The following PMEPA1 variants were observed in gnomAD, a reference collection of about 807,000 sequenced individuals.
PMEPA1 encodes the protein protein TMEPAI.
A neutral mutation model predicts 23.0 loss-of-function variants in PMEPA1; 11 were observed. The ratio of observed to expected loss-of-function variants is 0.48; its 90% CI spans 0.30 to 0.79. The LOEUF is 0.79. Ranked by LOEUF, PMEPA1 falls within the 30% of genes least tolerant of loss-of-function variation. The pLI, the probability that PMEPA1 is intolerant of heterozygous loss-of-function variation, is 0.06. For synonymous variants in PMEPA1, 204 were observed against 166.4 expected (o/e 1.23, Z -1.74); for missense variants, 377 against 390.9 (o/e 0.96, Z 0.30).
chr20:57,661,286 G>C (rs2071415271), intron 1 of PMEPA1, among the ~76,000 whole-genome samples: 1 of 152,244 alleles, frequency 6.6e-6, no homozygotes, highest in Non-Finnish European at 1.5e-5. Flanking sequence ...GGCCTCGGCA[G>C]CTGGCCGAGC....
rs983790423 is a variant in PMEPA1 at position 57,655,683 on chromosome 20, G to A, written c.265-2597C>T. Among the ~76,000 whole-genome samples the A allele has an allele frequency of 9.9e-5, 15 of 152,160 alleles. No individual in the cohort carries two copies. The highest frequency in any genetic ancestry group is 3.6e-4 in the African/African-American group (15 of 41,426). On this transcript the variant is annotated intron_variant, in intron 2 of 3. Transcript: ENST00000341744. The surrounding 1 kb of genome is among the most constrained non-coding windows in gnomAD (Gnocchi z 4.2). ...TACAGCCACTGCTGACGAGCCCCCT[G>A]CTCCCAGCAGCCTCCAACCACTCCC...
At chr20:57,703,955 G>A (rs1259832287) in intron 1 of PMEPA1, among the ~76,000 whole-genome samples, 1 of 152,124 alleles carries the variant, frequency 6.6e-6, no homozygotes, top group Admixed American at 6.5e-5. Flanking sequence ...TGACAGTGAA[G>A]GGGGGCACAA....
chr20:57,686,708 T>G (rs1483330229), intron 1 of PMEPA1, among the ~76,000 whole-genome samples: 1 of 152,222 alleles, frequency 6.6e-6, no homozygotes, highest in African/African-American at 2.4e-5. Flanking sequence ...CTCAAGGCCC[T>G]CACCTGTGAG....
intron 1 of PMEPA1, among the ~76,000 whole-genome samples, chr20:57,701,163 C>T (rs1242253210): frequency 6.6e-6 from 1 of 151,972 alleles, no homozygotes; most frequent in Non-Finnish European, 1.5e-5. Context: ...TTTCTTCCTA[C>T]CCCCATTCCC....
At position 57,682,796 on chromosome 20, in the gene PMEPA1, G is replaced by C. The variant is rs972448905; in HGVS notation, c.110-23099C>G. ...TCTGCTAGATGCTGCCTGGGAGCTGGGCTTTCTGCATGAGCAGGCCCCGCT... is the reference window on the plus strand; with the variant it reads ...TCTGCTAGATGCTGCCTGGGAGCTGCGCTTTCTGCATGAGCAGGCCCCGCT... On this transcript the variant is annotated intron_variant, in intron 1 of 3. Coordinates refer to ENST00000341744, the MANE Select transcript of PMEPA1 (RefSeq NM_020182.5). The surrounding 1 kb of genome is among the most constrained non-coding windows in gnomAD (Gnocchi z 4.4). 8.5e-5 allele frequency among the ~76,000 whole-genome samples: 13 copies of C among 152,232 alleles called. No homozygotes were observed. The highest frequency in any genetic ancestry group is 3.1e-4 in the African/African-American group (13 of 41,458).
intron 1 of PMEPA1, among the ~76,000 whole-genome samples, chr20:57,679,253 G>C (rs1262035156): frequency 2.0e-5 from 3 of 152,202 alleles, no homozygotes; most frequent in Non-Finnish European, 4.4e-5. Flanking sequence ...AATGCCCTGA[G>C]GTAGGAAACC....
intron 1 of PMEPA1, among the ~76,000 whole-genome samples, chr20:57,679,118 A>G (rs998790730): frequency 1.3e-5 from 2 of 152,160 alleles, no homozygotes; most frequent in African/African-American, 2.4e-5. Context: ...AGCACCTAGG[A>G]GCGGGGACCT....
intron 1 of PMEPA1, among the ~76,000 whole-genome samples, chr20:57,680,647 G>A (rs1406300370): frequency 6.6e-6 from 1 of 152,228 alleles, no homozygotes; most frequent in Non-Finnish European, 1.5e-5. Flanking sequence ...TCAATGTGAA[G>A]ACAGAAGCAG....
At chr20:57,710,577 CG>C, upstream of PMEPA1, 1 of 1,097,152 alleles carries the variant, frequency 9.1e-7, no homozygotes, top group Non-Finnish European at 1.3e-6. Context: ...CCAGGAAAGA[CG>C]GGAACTCGCG....
intron 1 of PMEPA1, among the ~76,000 whole-genome samples, chr20:57,679,509 C>G (rs563660165): frequency 1.3e-5 from 2 of 152,194 alleles, no homozygotes; most frequent in African/African-American, 4.8e-5. Flanking sequence ...TCAGACAATG[C>G]GGGAGCCGTG....
chr20:57,680,619 C>T (rs948263070), intron 1 of PMEPA1, among the ~76,000 whole-genome samples: 2 of 152,268 alleles, frequency 1.3e-5, no homozygotes, highest in African/African-American at 4.8e-5. Context: ...TAGGCAACAG[C>T]TGATTCCTAA....
At chr20:57,710,044 C>T, upstream of PMEPA1, 2 of 1,001,328 alleles carry the variant, frequency 2.0e-6, no homozygotes, top group Non-Finnish European at 1.2e-6. Flanking sequence ...TGCCGGTTCC[C>T]ACCGCGCGGG....
intron 1 of PMEPA1, among the ~76,000 whole-genome samples, chr20:57,702,385 C>T (rs1049886479): frequency 7.2e-5 from 11 of 152,226 alleles, no homozygotes; most frequent in Non-Finnish European, 5.9e-5. Context: ...GAGACACCAG[C>T]TCCTCATGCA....
intron 1 of PMEPA1, among the ~76,000 whole-genome samples, chr20:57,693,758 C>A (rs1201505259): frequency 6.6e-6 from 1 of 152,068 alleles, no homozygotes; most frequent in East Asian, 1.9e-4. Context: ...GGTTAAAATA[C>A]ACAGAGATCA....
chr20:57,689,220 G>A (rs993077525), intron 1 of PMEPA1, among the ~76,000 whole-genome samples: 2 of 152,210 alleles, frequency 1.3e-5, no homozygotes, highest in Non-Finnish European at 2.9e-5. Flanking sequence ...CTCCTTTGAA[G>A]CCAGTTTCCC....
At chr20:57,700,586 G>A (rs1392331828) in intron 1 of PMEPA1, among the ~76,000 whole-genome samples, 2 of 152,204 alleles carry the variant, frequency 1.3e-5, no homozygotes, top group African/African-American at 4.8e-5. Flanking sequence ...GAGTTGGTTC[G>A]TGGAGGTCAC....
intron 1 of PMEPA1, among the ~76,000 whole-genome samples, chr20:57,684,178 C>T (rs553463514): frequency 6.6e-6 from 1 of 152,156 alleles, no homozygotes; most frequent in South Asian, 2.1e-4. Context: ...AAGTAAAAAC[C>T]GGAGGGCAGA....
At chr20:57,706,689 A>G (rs1399824313) in intron 1 of PMEPA1, among the ~76,000 whole-genome samples, 1 of 152,220 alleles carries the variant, frequency 6.6e-6, no homozygotes, top group Non-Finnish European at 1.5e-5. Context: ...CTGGGGCCCA[A>G]GTACCAAATT....
At chr20:57,675,612 G>A (rs2071626230) in intron 1 of PMEPA1, among the ~76,000 whole-genome samples, 2 of 152,158 alleles carry the variant, frequency 1.3e-5, no homozygotes, top group Admixed American at 6.5e-5. Flanking sequence ...AATGCTGCTG[G>A]CCACACTGAC....
Sources: allele counts gnomAD v4.1 joint callset (sites outside exome capture counted in the v4.1 genomes callset), GRCh38; gene constraint gnomAD v4.1.1; non-coding constraint Gnocchi (gnomAD v3.1); transcripts MANE v1.5; gene names NCBI Gene and HGNC (gene_info 2026-07-23, HGNC 2026-07-21).